Variants in PLD5 observed in about 807,000 individuals in gnomAD.
The protein encoded by PLD5 is phospholipase D family member 5, also known as inactive phospholipase D5.
In PLD5, 36 loss-of-function variants were observed where a neutral mutation model predicts 61.1. The ratio of observed to expected loss-of-function variants is 0.59; its 90% CI spans 0.45 to 0.78. PLD5 has a LOEUF of 0.78. Ranked by LOEUF, PLD5 falls within the 30% of genes least tolerant of loss-of-function variation. PLD5 has a pLI of 0.00. For missense variants in PLD5, 515 were observed against 644.4 expected, an observed-to-expected ratio of 0.80 and a Z score of 2.17; for synonymous variants, 243 against 242.8, an observed-to-expected ratio of 1.00 and a Z score of -0.01.
intron 4 of PLD5, among the ~76,000 whole-genome samples, chr1:242,226,267 C>T (rs912524626): frequency 6.6e-6 from 1 of 152,108 alleles, no homozygotes; most frequent in African/African-American, 2.4e-5. Flanking sequence ...CCAGAGATCT[C>T]CGGATGTCAA....
chr1:242,243,122 C>G (rs1417629887), intron 4 of PLD5, among the ~76,000 whole-genome samples: 1 of 152,240 alleles, frequency 6.6e-6, no homozygotes, highest in East Asian at 1.9e-4. Context: ...AAACAGACAG[C>G]TTGCTGTGCC....
At chr1:242,312,408 C>T (rs2796087) in intron 2 of PLD5, among the ~76,000 whole-genome samples, 11 of 152,082 alleles carry the variant, frequency 7.2e-5, no homozygotes, top group East Asian at 3.9e-4. Flanking sequence ...CCTGTGTGCA[C>T]GCTTTTTTCT....
At chr1:242,382,596 T>C (rs1662363034) in intron 1 of PLD5, among the ~76,000 whole-genome samples, 1 of 152,184 alleles carries the variant, frequency 6.6e-6, no homozygotes, top group African/African-American at 2.4e-5. Context: ...TCAAGGAGAT[T>C]GTAGAAAGAG....
At chr1:242,446,389 G>A (rs1336368917) in intron 1 of PLD5, among the ~76,000 whole-genome samples, 1 of 152,034 alleles carries the variant, frequency 6.6e-6, no homozygotes, top group African/African-American at 2.4e-5. Context: ...GACCAACATG[G>A]TAAAACCCTG....
intron 3 of PLD5, among the ~76,000 whole-genome samples, chr1:242,275,692 G>T (rs556244207): frequency 3.9e-5 from 6 of 152,308 alleles, no homozygotes; most frequent in Non-Finnish European, 7.3e-5. Context: ...AGCATAGCAT[G>T]GCATCAATAA....
chr1:242,248,375 G>A (rs1672512115), intron 4 of PLD5, among the ~76,000 whole-genome samples: 1 of 151,580 alleles, frequency 6.6e-6, no homozygotes, highest in South Asian at 2.1e-4. Flanking sequence ...AAAACATACA[G>A]CCAATCATGT....
In PLD5 at chr1:242,450,069, CT is replaced by C. The variant is rs1183019442; in HGVS notation, c.189+74018del. Among the ~76,000 whole-genome samples the C allele has an allele frequency of 3.9e-5, 6 of 152,316 alleles. 1 individual carries two copies. The highest frequency in any genetic ancestry group is 7.3e-5 in the Non-Finnish European group (5 of 68,030). On this transcript the variant is annotated intron_variant, in intron 1 of 9. Coordinates refer to ENST00000536534, the MANE Select transcript of PLD5 (RefSeq NM_001372062.1). ...TGCAGGGACCATGGCTTCTCAGATG[CT>C]TTAAATCTAGCCTGTGCTGCTCACT...
At chr1:242,361,876 T>C (rs1439178607) in intron 1 of PLD5, among the ~76,000 whole-genome samples, 1 of 152,024 alleles carries the variant, frequency 6.6e-6, no homozygotes, top group African/African-American at 2.4e-5. Flanking sequence ...GGCTCATGCC[T>C]GTAGTCCTAG....
chr1:242,394,782 A>G (rs1416714760), intron 1 of PLD5, among the ~76,000 whole-genome samples: 1 of 89,100 alleles, frequency 1.1e-5, no homozygotes, highest in Non-Finnish European at 2.1e-5. Context: ...ATATATGTGT[A>G]TATATGTGAA....
rs111707694 is a variant in PLD5, at chr1:242,497,298, A to G, written c.189+26790T>C. 7.7e-3 allele frequency among the ~76,000 whole-genome samples: 1,178 copies of G among 152,300 alleles called. 19 individuals carry two copies. The highest frequency in any genetic ancestry group is 0.027 in the African/African-American group (1,120 of 41,566). ...TAACCTTACCAAATGTTGTTGCCAT[A>G]TTTTTAAAAACTATTAATGATGTCT... On this transcript the variant is annotated intron_variant, in intron 1 of 9. Transcript: ENST00000536534.
At chr1:242,324,789 C>T (rs1403201281) in intron 2 of PLD5, among the ~76,000 whole-genome samples, 1 of 152,098 alleles carries the variant, frequency 6.6e-6, no homozygotes, top group Non-Finnish European at 1.5e-5. Flanking sequence ...TCTGATGGAC[C>T]AGCTGGCCCC....
At chr1:242,291,730 C>T (rs1256513201) in intron 2 of PLD5, among the ~76,000 whole-genome samples, 5 of 152,062 alleles carry the variant, frequency 3.3e-5, no homozygotes, top group African/African-American at 1.2e-4. Context: ...GGCATGAACC[C>T]TGGGAGGTGG....
chr1:242,462,761 G>A (rs1042625722), intron 1 of PLD5, among the ~76,000 whole-genome samples: 1 of 151,912 alleles, frequency 6.6e-6, no homozygotes, highest in African/African-American at 2.4e-5. Context: ...GTTCCTCACT[G>A]CCACTTTGAG....
intron 5 of PLD5, among the ~76,000 whole-genome samples, chr1:242,195,987 A>T (rs114735320): frequency 1.3e-5 from 2 of 152,078 alleles, no homozygotes; most frequent in Admixed American, 1.3e-4. Flanking sequence ...TGTAAGGGGG[A>T]TGGACGGAAA....
At chr1:242,128,427 G>A (rs1002357713) in intron 5 of PLD5, among the ~76,000 whole-genome samples, 3 of 152,180 alleles carry the variant, frequency 2.0e-5, no homozygotes, top group African/African-American at 7.2e-5. Context: ...GCAGATGAAA[G>A]GCAAAGGCAG....
rs368984065 is a variant in PLD5 at position 242,217,101 on chromosome 1, T to C, written c.735+2887A>G. Among the ~76,000 whole-genome samples, 74 of 152,326 alleles carry C rather than the reference T, an allele frequency of 4.9e-4. No homozygotes were observed. In the South Asian group the frequency reaches 0.015, roughly 30 times the overall value. ...TCAAAATATTACTGCTCATTGACAA[T>C]GTACCTGGTCACCCAATAGCTCTGA... On this transcript the variant is annotated intron_variant, in intron 5 of 9. Coordinates refer to ENST00000536534, the MANE Select transcript of PLD5 (RefSeq NM_001372062.1).
In PLD5 at chr1:242,256,819, T is replaced by C. The variant is rs1015331783; in HGVS notation, c.607+8518A>G. On this transcript the variant is annotated intron_variant, in intron 4 of 9. Coordinates refer to ENST00000536534, the MANE Select transcript of PLD5 (RefSeq NM_001372062.1). The surrounding 1 kb of genome is among the most constrained non-coding windows in gnomAD (Gnocchi z 5.7). ...CTATTAATATCTATCTTTCTATGTATCTGTCATCTATTTCTTTCTTTCTGT... is the reference window on the plus strand; with the variant it reads ...CTATTAATATCTATCTTTCTATGTACCTGTCATCTATTTCTTTCTTTCTGT... Among the ~76,000 whole-genome samples the C allele has an allele frequency of 2.6e-5, 4 of 152,062 alleles. No individual in the cohort carries two copies. The highest frequency in any genetic ancestry group is 4.4e-5 in the Non-Finnish European group (3 of 68,018).
chr1:242,149,664 T>TACAC (rs201893348), intron 5 of PLD5, among the ~76,000 whole-genome samples: 232 of 137,940 alleles, frequency 1.7e-3, no homozygotes, highest in South Asian at 0.015. Context: ...TTAAGTTTTA[T>TACAC]ACACATACAC....
upstream of PLD5, among the ~76,000 whole-genome samples, chr1:242,526,050 T>C (rs1669437927): frequency 1.3e-5 from 2 of 151,958 alleles, no homozygotes; most frequent in African/African-American, 4.8e-5. Context: ...TCCTTTCCAG[T>C]GAGGAAAGTG....
Sources: gnomAD v4.1 joint callset for allele counts (sites outside exome capture counted in the v4.1 genomes callset) on GRCh38, gnomAD v4.1.1 for gene constraint, Gnocchi (gnomAD v3.1) non-coding constraint, MANE v1.5 for transcripts, NCBI Gene and HGNC (gene_info 2026-07-23, HGNC 2026-07-21) for gene names.